The following DLGAP2 variants were observed in gnomAD, a reference collection of about 807,000 sequenced individuals.
DLGAP2 encodes DLG associated protein 2.
In DLGAP2, 26 loss-of-function variants were observed where a neutral mutation model predicts 100.3. The ratio of observed to expected loss-of-function variants is 0.26; its 90% CI spans 0.19 to 0.36. The LOEUF is 0.36. Among genes scored for constraint, DLGAP2 ranks in the 10% least tolerant of loss-of-function variants. DLGAP2 has a pLI of 1.00. For synonymous variants in DLGAP2, 886 were observed against 630.1 expected, an observed-to-expected ratio of 1.41 and a Z score of -6.08; for missense variants, 1,858 against 1,453.2, an observed-to-expected ratio of 1.28 and a Z score of -4.53.
intron 8 of DLGAP2, among the ~76,000 whole-genome samples, chr8:1,644,118 C>T (rs35769093): frequency 0.068 from 3,036 of 44,760 alleles, 647 homozygotes; most frequent in South Asian, 0.17. Context: ...ACCCCGCCGG[C>T]CCTCACCTGT....
rs150491701 is a variant in DLGAP2, at chr8:1,190,158, G to A, written c.74-68693G>A. 4.6e-3 allele frequency among the ~76,000 whole-genome samples: 707 copies of A among 152,242 alleles called. 2 individuals carry two copies. Among genetic ancestry groups the A allele is most frequent in the Non-Finnish European group, 7.9e-3 (534 of 68,012 alleles). On this transcript the variant is annotated intron_variant, in intron 2 of 14. Coordinates refer to ENST00000637795, the MANE Select transcript of DLGAP2 (RefSeq NM_001346810.2). ...TAGGGCCTGAGTTGAGTTATGGATT[G>A]CACTTTAGATAAATAGATTCCATGT...
intron 1 of DLGAP2, among the ~76,000 whole-genome samples, chr8:768,298 G>A (rs1821265813): frequency 6.6e-6 from 1 of 152,072 alleles, no homozygotes; most frequent in Admixed American, 6.6e-5. Flanking sequence ...TCTAAGAGTA[G>A]TGTTGTGGTT....
rs550521465 is a variant in DLGAP2 at position 1,296,272 on chromosome 8, G to C, written c.106+37389G>C. 3.4e-5 allele frequency: 5 copies of C among 146,780 alleles called. No individual in the cohort carries two copies. The South Asian group carries it at 1.2e-3, about 34-fold the overall frequency. The allele number at this position is 146,780 out of a possible 1,614,324, so 9.1% of individuals were successfully genotyped here. On this transcript the variant is annotated intron_variant, in intron 3 of 14. Coordinates refer to ENST00000637795, the MANE Select transcript of DLGAP2 (RefSeq NM_001346810.2). ...CTCTTGTTGAATAGATATGACCCTT[G>C]TTCCATCTTGGGTTCTTTTCTAGAA... is the stretch of plus-strand genomic sequence containing the variant.
intron 1 of DLGAP2, among the ~76,000 whole-genome samples, chr8:876,193 C>A (rs1401330965): frequency 6.6e-6 from 1 of 152,174 alleles, no homozygotes; most frequent in Middle Eastern, 3.4e-3. Flanking sequence ...TTAATACAGT[C>A]TTTTATAATT....
At chr8:925,817 C>T (rs1798802638) in intron 2 of DLGAP2, among the ~76,000 whole-genome samples, 2 of 152,150 alleles carry the variant, frequency 1.3e-5, no homozygotes, top group South Asian at 4.1e-4. Flanking sequence ...TGTGTCCATT[C>T]TAGCATGAAG....
chr8:1,294,776 G>C (rs962267704), intron 3 of DLGAP2, among the ~76,000 whole-genome samples: 2 of 151,956 alleles, frequency 1.3e-5, no homozygotes, highest in African/African-American at 4.8e-5. Context: ...GGCTGAGACA[G>C]TAGGATTGCT....
At chr8:1,153,704 C>A (rs914742955) in intron 2 of DLGAP2, among the ~76,000 whole-genome samples, 2 of 152,140 alleles carry the variant, frequency 1.3e-5, no homozygotes, top group Non-Finnish European at 2.9e-5. Flanking sequence ...TCCTGCATTG[C>A]CAGACCATTA....
intron 9 of DLGAP2, 72 bp downstream of exon 9, chr8:1,668,750 C>A: frequency 2.9e-6 from 4 of 1,359,880 alleles, no homozygotes; most frequent in Non-Finnish European, 2.9e-6. Flanking sequence ...TAAGCCAAAA[C>A]CCAACCAGCG....
At chr8:892,340 A>G (rs1370089248) in intron 1 of DLGAP2, among the ~76,000 whole-genome samples, 1 of 152,142 alleles carries the variant, frequency 6.6e-6, no homozygotes. Context: ...AGAGCGGCCC[A>G]TCCACACAGC....
chr8:1,284,439 C>T (rs112756519), intron 3 of DLGAP2, among the ~76,000 whole-genome samples: 30 of 152,068 alleles, frequency 2.0e-4, no homozygotes, highest in African/African-American at 7.2e-4. Flanking sequence ...GGTGTGTGGA[C>T]CGTCACCTGG....
At chr8:1,069,445 G>A (rs563132875) in intron 2 of DLGAP2, among the ~76,000 whole-genome samples, 65 of 152,280 alleles carry the variant, frequency 4.3e-4, no homozygotes, top group African/African-American at 1.4e-3. Context: ...AAGGTCAACT[G>A]TAACATTTTT....
chr8:1,055,129 T>A (rs1167547205), intron 2 of DLGAP2, among the ~76,000 whole-genome samples: 1 of 152,214 alleles, frequency 6.6e-6, no homozygotes. Context: ...AATAGACGTT[T>A]TGTAAAGATG....
At chr8:1,538,131 T>A (rs2130480004) in intron 4 of DLGAP2, among the ~76,000 whole-genome samples, 1 of 152,320 alleles carries the variant, frequency 6.6e-6, no homozygotes, top group South Asian at 2.1e-4. Flanking sequence ...TCATGTCCCA[T>A]GCAGCATGGC....
rs149808970 is a variant in DLGAP2 at position 1,191,405 on chromosome 8, T to G, written c.74-67446T>G. 5.3e-5 allele frequency among the ~76,000 whole-genome samples: 8 copies of G among 152,070 alleles called. No individual in the cohort carries two copies. In the South Asian group the frequency reaches 1.2e-3, roughly 24 times the overall value. On this transcript the variant is annotated intron_variant, in intron 2 of 14. Coordinates refer to ENST00000637795, the MANE Select transcript of DLGAP2 (RefSeq NM_001346810.2). ...CAGGATGGTCTTGATCTCCTGACCT[T>G]GTGATCTGCCCGCCTCAGCCTCCCA...
At chr8:1,115,269 C>G (rs1805081675) in intron 2 of DLGAP2, among the ~76,000 whole-genome samples, 1 of 152,178 alleles carries the variant, frequency 6.6e-6, no homozygotes, top group South Asian at 2.1e-4. Flanking sequence ...AGTGATCTGT[C>G]TAACACTGTC....
intron 2 of DLGAP2, among the ~76,000 whole-genome samples, chr8:1,167,924 A>G (rs927942388): frequency 6.6e-6 from 1 of 151,960 alleles, no homozygotes; most frequent in African/African-American, 2.4e-5. Context: ...GTACATGTGC[A>G]CAATGTGTAG....
chr8:1,584,515 A>C (rs1245804009), intron 6 of DLGAP2, among the ~76,000 whole-genome samples: 1 of 152,056 alleles, frequency 6.6e-6, no homozygotes, highest in African/African-American at 2.4e-5. Context: ...TTTTAGTTTC[A>C]GCTGGAGGGA....
rs377041739 is a variant in DLGAP2 at position 1,451,159 on chromosome 8, G to A, written c.107-50207G>A. Among the ~76,000 whole-genome samples, 71 of 152,184 alleles carry A rather than the reference G, an allele frequency of 4.7e-4. 1 individual carries two copies. Among genetic ancestry groups the A allele is most frequent in the East Asian group, 3.3e-3 (17 of 5,162 alleles). On this transcript the variant is annotated intron_variant, in intron 3 of 14. Transcript: ENST00000637795. ...GAGTCACACCTTTCCAGCATGTTCC[G>A]CCGCTGCCAGTGCTGCTGCATGCAG...
At chr8:821,874 G>A (rs534619656) in intron 1 of DLGAP2, among the ~76,000 whole-genome samples, 1 of 152,302 alleles carries the variant, frequency 6.6e-6, no homozygotes, top group South Asian at 2.1e-4. Context: ...CTGGATCCAC[G>A]CACACAGCGT....
Sources: gnomAD v4.1 joint callset for allele counts (sites outside exome capture counted in the v4.1 genomes callset) on GRCh38, gnomAD v4.1.1 for gene constraint, MANE v1.5 for transcripts, NCBI Gene and HGNC (gene_info 2026-07-23, HGNC 2026-07-21) for gene names.